Variants in MAGI1 observed in about 807,000 individuals in gnomAD.
The protein encoded by MAGI1 is membrane-associated guanylate kinase, WW and PDZ domain-containing protein 1.
MAGI1 carries 58 observed loss-of-function variants against 139.9 expected under a neutral mutation model. That is an observed-to-expected ratio of 0.41 (90% CI 0.34 to 0.52). MAGI1 has a LOEUF of 0.52. Ranked by LOEUF, MAGI1 falls within the 20% of genes least tolerant of loss-of-function variation. The pLI, the probability that MAGI1 is intolerant of heterozygous loss-of-function variation, is 0.12. For missense variants in MAGI1, 1,874 were observed against 1,901.6 expected, an observed-to-expected ratio of 0.99 and a Z score of 0.27; for synonymous variants, 812 against 737.9, an observed-to-expected ratio of 1.10 and a Z score of -1.63.
chr3:65,804,061 G>C (rs909274007), intron 1 of MAGI1, among the ~76,000 whole-genome samples: 1 of 152,088 alleles, frequency 6.6e-6, no homozygotes, highest in African/African-American at 2.4e-5. Flanking sequence ...ATCTTTCCAA[G>C]AGAAAACTCT....
At chr3:65,822,429 G>T (rs1345020806) in intron 1 of MAGI1, among the ~76,000 whole-genome samples, 7 of 152,140 alleles carry the variant, frequency 4.6e-5, no homozygotes, top group Non-Finnish European at 5.9e-5. Flanking sequence ...TCCGGAGGCT[G>T]AGCCAGAAAA....
At chr3:65,661,745 G>GTTTTTTTTT (rs11369893) in intron 1 of MAGI1, among the ~76,000 whole-genome samples, 31 of 93,910 alleles carry the variant, frequency 3.3e-4, no homozygotes, top group African/African-American at 4.2e-4. Context: ...GTTTTTTTCT[G>GTTTTTTTTT]TTTTTTTTTT....
intron 1 of MAGI1, among the ~76,000 whole-genome samples, chr3:65,637,546 T>G (rs1306077528): frequency 7.8e-6 from 1 of 127,710 alleles, no homozygotes; most frequent in Admixed American, 8.3e-5. Context: ...ATTGAGACCC[T>G]GTCTCCAAAA....
rs548712712 is a variant in MAGI1 at position 65,565,712 on chromosome 3, C to T, written c.430+56260G>A. On this transcript the variant is annotated intron_variant, in intron 2 of 22. Transcript: ENST00000402939. ...TCTCTACTAAAAATACAAAAATTAG[C>T]CGGGTGTGGTGGTGCACACCTATAA... is the stretch of plus-strand genomic sequence containing the variant. 1.9e-3 allele frequency among the ~76,000 whole-genome samples: 295 copies of T among 151,808 alleles called. 3 individuals carry two copies. The South Asian group carries it at 0.032, about 17-fold the overall frequency.
chr3:65,562,351 G>A (rs1277416330), intron 2 of MAGI1, among the ~76,000 whole-genome samples: 6 of 152,216 alleles, frequency 3.9e-5, no homozygotes, highest in Admixed American at 2.0e-4. Flanking sequence ...GCCACTCATT[G>A]TAGAATGCAT....
At chr3:65,895,119 G>T (rs264673) in intron 1 of MAGI1, among the ~76,000 whole-genome samples, 22,536 of 152,080 alleles carry the variant, frequency 0.15, 3,883 homozygotes, top group African/African-American at 0.42. Flanking sequence ...TGCATGGTTG[G>T]GCATAATCTG....
At chr3:65,889,073 A>G (rs2060640872) in intron 1 of MAGI1, among the ~76,000 whole-genome samples, 1 of 152,212 alleles carries the variant, frequency 6.6e-6, no homozygotes, top group Non-Finnish European at 1.5e-5. Context: ...GCAGTTTTCC[A>G]AAACCAAGAG....
chr3:65,822,571 T>C (rs1909491), intron 1 of MAGI1, among the ~76,000 whole-genome samples: 10,608 of 152,108 alleles, frequency 0.07, 564 homozygotes, highest in African/African-American at 0.15. Flanking sequence ...AAGAAATACC[T>C]GAGGCTGGGT....
chr3:65,356,341 CT>C lies in MAGI1; in HGVS notation c.*36del. Reference sequence around the variant, plus strand: ...AGGTTTGTGACTTTCCTCTTAGAACCTTTGACACGGTAAAGGTTGGAATGTG... The same window carrying C: ...AGGTTTGTGACTTTCCTCTTAGAACCTTGACACGGTAAAGGTTGGAATGTG... On this transcript the variant is annotated 3_prime_UTR_variant, in exon 23 of 23. Transcript: ENST00000402939. 6.6e-7 allele frequency: 1 copy of C among 1,517,900 alleles called. No homozygotes were observed. 94.0% of individuals were successfully genotyped at this position (1,517,900 alleles called of 1,614,324 possible). A position where few individuals can be genotyped will look rare whatever the true frequency, so the allele number is the denominator to read the frequency against.
At chr3:65,691,042 G>C (rs2088581892) in intron 1 of MAGI1, among the ~76,000 whole-genome samples, 1 of 152,002 alleles carries the variant, frequency 6.6e-6, no homozygotes, top group African/African-American at 2.4e-5. Context: ...GGTGGCTCAG[G>C]CCTGTAATCC....
At chr3:65,782,662 T>C (rs2039033161) in intron 1 of MAGI1, among the ~76,000 whole-genome samples, 1 of 144,288 alleles carries the variant, frequency 6.9e-6, no homozygotes, top group Non-Finnish European at 1.5e-5. Flanking sequence ...GGTTCATTTT[T>C]CAACACTGTA....
intron 1 of MAGI1, among the ~76,000 whole-genome samples, chr3:65,916,402 A>C (rs2061907828): frequency 6.6e-6 from 1 of 152,178 alleles, no homozygotes; most frequent in African/African-American, 2.4e-5. Context: ...AAGAGGTTTA[A>C]TGGACTCACA....
chr3:65,681,070 A>G lies in MAGI1; in HGVS notation c.314-58982T>C, dbSNP rs558058508. On this transcript the variant is annotated intron_variant, in intron 1 of 22. Coordinates refer to ENST00000402939, the MANE Select transcript of MAGI1 (RefSeq NM_001033057.2). ...AATATCTATAGTGGGGCTTAGGGAC[A>G]AAGCACCTACATTCTTGTATTTTGA... Among the ~76,000 whole-genome samples, 16 of 152,328 alleles carry G rather than the reference A, an allele frequency of 1.1e-4. No homozygotes were observed. The South Asian group carries it at 3.1e-3, about 30-fold the overall frequency.
intron 1 of MAGI1, among the ~76,000 whole-genome samples, chr3:65,663,729 G>A (rs2086335400): frequency 6.6e-6 from 1 of 152,150 alleles, no homozygotes; most frequent in Non-Finnish European, 1.5e-5. Flanking sequence ...ATTTGGGGCT[G>A]CCTTGTTCTT....
intron 1 of MAGI1, among the ~76,000 whole-genome samples, chr3:65,989,504 G>A (rs2066052632): frequency 6.6e-6 from 1 of 152,146 alleles, no homozygotes; most frequent in South Asian, 2.1e-4. Context: ...TGGTACGTGA[G>A]ATGAATTTGT....
intron 1 of MAGI1, among the ~76,000 whole-genome samples, chr3:65,787,342 C>A (rs971390289): frequency 3.3e-5 from 5 of 151,798 alleles, no homozygotes; most frequent in African/African-American, 1.2e-4. Context: ...TAAAAGAAAC[C>A]GGATCACCAA....
chr3:65,732,980 A>T (rs1341100743), intron 1 of MAGI1, among the ~76,000 whole-genome samples: 1 of 152,158 alleles, frequency 6.6e-6, no homozygotes, highest in African/African-American at 2.4e-5. Flanking sequence ...GTAAGAATCT[A>T]TTAAGTTCTT....
intron 17 of MAGI1, among the ~76,000 whole-genome samples, chr3:65,377,987 A>G (rs749127673): frequency 2.2e-4 from 34 of 152,210 alleles, no homozygotes; most frequent in Non-Finnish European, 4.4e-4. Flanking sequence ...TTCCATGTGG[A>G]TAAGTCATTC....
chr3:65,507,130 GGTACACTATA>G (rs1029612416), intron 2 of MAGI1, among the ~76,000 whole-genome samples: 2 of 152,100 alleles, frequency 1.3e-5, no homozygotes, highest in Non-Finnish European at 2.9e-5. Flanking sequence ...ACCAAAGAAA[GGTACACTATA>G]GTACTACCTG....
Sources: allele counts gnomAD v4.1 joint callset (sites outside exome capture counted in the v4.1 genomes callset), GRCh38; gene constraint gnomAD v4.1.1; transcripts MANE v1.5; gene names NCBI Gene and HGNC (gene_info 2026-07-23, HGNC 2026-07-21).